The following PLA2G4A variants were observed in gnomAD, a reference collection of about 807,000 sequenced individuals.
PLA2G4A encodes phospholipase A2 group IVA, also known as cytosolic phospholipase A2.
Under a neutral mutation model 81.9 loss-of-function variants are expected in PLA2G4A, and 40 were observed. That is an observed-to-expected ratio of 0.49 (90% CI 0.38 to 0.64). The LOEUF (loss-of-function observed/expected upper bound fraction) is 0.64, where lower values mean the gene tolerates loss of function less well. Ranked by LOEUF, PLA2G4A falls within the 30% of genes least tolerant of loss-of-function variation. The probability of loss-of-function intolerance (pLI) is 0.00; values close to 1 mark genes in which losing one functional copy is unlikely to be tolerated. For missense variants in PLA2G4A, 715 were observed against 905.1 expected, an observed-to-expected ratio of 0.79 and a Z score of 2.69; for synonymous variants, 302 against 296.9, an observed-to-expected ratio of 1.02 and a Z score of -0.18.
At chr1:186,975,709 T>G (rs955148263) in intron 15 of PLA2G4A, among the ~76,000 whole-genome samples, 1 of 152,194 alleles carries the variant, frequency 6.6e-6, no homozygotes. Context: ...TTCCTCATTA[T>G]CTCTGCGTTG....
rs868247361 is a variant in PLA2G4A, at chr1:186,942,265, T to C, written c.1033+2171T>C. 3.9e-5 allele frequency among the ~76,000 whole-genome samples: 6 copies of C among 152,142 alleles called. 1 individual carries two copies. The highest frequency in any genetic ancestry group is 4.1e-4 in the South Asian group (2 of 4,828). On this transcript the variant is annotated intron_variant, in intron 10 of 17. Transcript: ENST00000367466. ...CTTCCCCCCAGCCATAGCTATTATC[T>C]TGTGGAGCTTTGAAATTTTTGGAAT...
intron 10 of PLA2G4A, among the ~76,000 whole-genome samples, chr1:186,943,330 C>T (rs1022562287): frequency 7.9e-5 from 12 of 152,128 alleles, no homozygotes; most frequent in African/African-American, 2.9e-4. Flanking sequence ...GGACTTAAAA[C>T]GTTCATTTAA....
At chr1:186,932,628 A>C (rs1655791586) in intron 7 of PLA2G4A, 135 bp from the exon 8 acceptor site, 1 of 896,964 alleles carries the variant, frequency 1.1e-6, no homozygotes, top group South Asian at 1.4e-5. Flanking sequence ...AAAATTAGGC[A>C]TTACTAAAGT....
At chr1:186,924,854 G>A (rs1378796976) in intron 7 of PLA2G4A, among the ~76,000 whole-genome samples, 3 of 152,118 alleles carry the variant, frequency 2.0e-5, no homozygotes, top group Admixed American at 1.3e-4. Context: ...GATCAAGACT[G>A]GCCCAGCCAA....
intron 15 of PLA2G4A, among the ~76,000 whole-genome samples, chr1:186,970,920 AT>A (rs199774058): frequency 4.3e-4 from 63 of 148,104 alleles, no homozygotes; most frequent in African/African-American, 7.4e-4. Flanking sequence ...AAATTTTAGG[AT>A]TTTTTTTTTC....
At chr1:186,976,808 A>G (rs1657549527) in intron 15 of PLA2G4A, among the ~76,000 whole-genome samples, 1 of 152,220 alleles carries the variant, frequency 6.6e-6, no homozygotes, top group Admixed American at 6.5e-5. Context: ...TGGTGCAGAG[A>G]CAAACCAACC....
chr1:186,942,954 T>C (rs1398824503), intron 10 of PLA2G4A, among the ~76,000 whole-genome samples: 2 of 152,178 alleles, frequency 1.3e-5, no homozygotes, highest in Admixed American at 1.3e-4. Context: ...TGTACCCAGA[T>C]AAGACATCTT....
intron 1 of PLA2G4A, among the ~76,000 whole-genome samples, chr1:186,852,120 C>T (rs932855154): frequency 1.5e-4 from 23 of 151,790 alleles, no homozygotes; most frequent in Admixed American, 5.3e-4. Flanking sequence ...GTATTAAGGG[C>T]CCACATGTGC....
intron 2 of PLA2G4A, among the ~76,000 whole-genome samples, chr1:186,857,794 G>A (rs932281619): frequency 4.0e-5 from 6 of 151,538 alleles, no homozygotes; most frequent in African/African-American, 7.3e-5. Context: ...GATGTTCCCC[G>A]CTCTGTGTCC....
At chr1:186,885,702 G>A (rs1012804298) in intron 3 of PLA2G4A, among the ~76,000 whole-genome samples, 3 of 151,802 alleles carry the variant, frequency 2.0e-5, no homozygotes, top group South Asian at 2.1e-4. Flanking sequence ...GATTTTACCA[G>A]GAAACCAGAT....
intron 3 of PLA2G4A, among the ~76,000 whole-genome samples, chr1:186,878,502 C>T (rs2102075054): frequency 6.6e-6 from 1 of 151,378 alleles, no homozygotes; most frequent in East Asian, 1.9e-4. Context: ...AATTGTTTCC[C>T]AATGGTCTTT....
intron 2 of PLA2G4A, among the ~76,000 whole-genome samples, chr1:186,857,055 T>TTGCTGGATGATCTGG (rs1367654873): frequency 2.0e-4 from 10 of 49,568 alleles, no homozygotes; most frequent in East Asian, 7.6e-4. Flanking sequence ...CACATGTGTC[T>TTGCTGGATGATCTGG]GCCATGCAGC....
intron 7 of PLA2G4A, among the ~76,000 whole-genome samples, chr1:186,930,515 A>T (rs1341395422): frequency 6.6e-6 from 1 of 152,104 alleles, no homozygotes. Flanking sequence ...TCATTTTTCC[A>T]GTTTCTCTTA....
chr1:186,954,272 G>A (rs1018051941), intron 13 of PLA2G4A, among the ~76,000 whole-genome samples: 5 of 152,112 alleles, frequency 3.3e-5, no homozygotes, highest in African/African-American at 1.2e-4. Context: ...AAAAAAGGAT[G>A]GGTTCATGTC....
chr1:186,951,811 G>C (rs1656571498), intron 13 of PLA2G4A, among the ~76,000 whole-genome samples: 1 of 152,110 alleles, frequency 6.6e-6, no homozygotes, highest in Non-Finnish European at 1.5e-5. Context: ...TTAAAAAAGA[G>C]GATTCCTTCC....
intron 1 of PLA2G4A, among the ~76,000 whole-genome samples, chr1:186,835,478 A>G (rs966668236): frequency 6.6e-6 from 1 of 152,218 alleles, no homozygotes; most frequent in African/African-American, 2.4e-5. Context: ...AAAAGTGTCT[A>G]AAGATGCACA....
chr1:186,909,315 G>C (rs1488632418), intron 6 of PLA2G4A, among the ~76,000 whole-genome samples: 1 of 148,956 alleles, frequency 6.7e-6, no homozygotes, highest in Non-Finnish European at 1.5e-5. Flanking sequence ...AACCTAATAT[G>C]TCATTATAAA....
At chr1:186,859,477 T>C (rs768466849) in intron 2 of PLA2G4A, among the ~76,000 whole-genome samples, 5 of 152,112 alleles carry the variant, frequency 3.3e-5, no homozygotes, top group Non-Finnish European at 7.3e-5. Context: ...ATGTGAGTCA[T>C]ATCCCTGAAG....
intron 14 of PLA2G4A, among the ~76,000 whole-genome samples, chr1:186,958,234 C>T (rs191481378): frequency 3.3e-5 from 5 of 152,264 alleles, no homozygotes; most frequent in Non-Finnish European, 1.5e-5. Flanking sequence ...ACAGGATTCA[C>T]TATGTTATAT....
Sources: allele counts gnomAD v4.1 joint callset (sites outside exome capture counted in the v4.1 genomes callset), GRCh38; gene constraint gnomAD v4.1.1; transcripts MANE v1.5; gene names NCBI Gene and HGNC (gene_info 2026-07-23, HGNC 2026-07-21).